ANGPT4: variants seen among roughly 807,000 people sequenced by gnomAD.
The protein encoded by ANGPT4 is angiopoietin-4.
Under a neutral mutation model 53.0 loss-of-function variants are expected in ANGPT4, and 50 were observed. The ratio of observed to expected loss-of-function variants is 0.94; its 90% CI spans 0.75 to 1.20. ANGPT4 has a LOEUF of 1.20. Ranked by LOEUF, ANGPT4 falls within the 50% of genes most tolerant of loss-of-function variation. The pLI, the probability that ANGPT4 is intolerant of heterozygous loss-of-function variation, is 0.00. For missense variants in ANGPT4, 648 were observed against 637.1 expected (o/e 1.02, Z -0.18); for synonymous variants, 251 against 259.7 (o/e 0.97, Z 0.32).
chr20:889,086 C>T (rs1037917622), intron 2 of ANGPT4, among the ~76,000 whole-genome samples: 2 of 152,206 alleles, frequency 1.3e-5, no homozygotes, highest in Admixed American at 1.3e-4. Flanking sequence ...CATCCCTTGT[C>T]TGGAGCACTC....
chr20:889,503 C>T (rs6140552), intron 2 of ANGPT4, among the ~76,000 whole-genome samples: 81,056 of 152,028 alleles, frequency 0.53, 23,865 homozygotes, highest in African/African-American at 0.79. Context: ...TATCTAAACA[C>T]AGAAAAGGTA....
chr20:888,228 C>CT, intron 3 of ANGPT4, 90 bp downstream of exon 3: 1 of 1,507,828 alleles, frequency 6.6e-7, no homozygotes, highest in Non-Finnish European at 8.9e-7. Flanking sequence ...CAGCCCCAGT[C>CT]CTAGCCCTGG....
intron 3 of ANGPT4, among the ~76,000 whole-genome samples, chr20:887,460 G>A (rs944723687): frequency 2.0e-5 from 3 of 152,112 alleles, no homozygotes; most frequent in South Asian, 2.1e-4. Context: ...ATCCTGAACC[G>A]GCATGTGAAC....
chr20:902,814 G>C (rs560400525), intron 1 of ANGPT4, among the ~76,000 whole-genome samples: 2 of 152,140 alleles, frequency 1.3e-5, no homozygotes, highest in Non-Finnish European at 2.9e-5. Context: ...TTCCTCACTG[G>C]TGTCCCCAGT....
rs1461624676 is a variant in ANGPT4, at chr20:870,574, T to G, written c.*2386A>C. 1 of 152,088 alleles carries G rather than the reference T, an allele frequency of 6.6e-6. No homozygotes were observed. Among genetic ancestry groups the G allele is most frequent in the Non-Finnish European group, 1.5e-5 (1 of 68,012 alleles). The allele number at this position is 152,088 out of a possible 1,614,324, so 9.4% of individuals were successfully genotyped here. A position where few individuals can be genotyped will look rare whatever the true frequency, so the allele number is the denominator to read the frequency against. ...TAAAGAACAGGTGTCTGAGGATAACTCAAATCAGCTTCCTGCCCCCTTATA... is the reference window on the plus strand; with the variant it reads ...TAAAGAACAGGTGTCTGAGGATAACGCAAATCAGCTTCCTGCCCCCTTATA... On this transcript the variant is annotated 3_prime_UTR_variant, in exon 9 of 9. Coordinates refer to ENST00000381922, the MANE Select transcript of ANGPT4 (RefSeq NM_015985.4).
Position 881,171 on chromosome 20 carries a change from C to G in ANGPT4, c.951G>C (p.Lys317Asn). 6.3e-7 allele frequency: 1 copy of G among 1,577,642 alleles called. No homozygotes were observed. Among genetic ancestry groups the G allele is most frequent in the Non-Finnish European group, 8.6e-7 (1 of 1,161,998 alleles). ...CACAGTTCCCAGGGAGCCCCCTAAC[C>G]TTCCTGGGCTTCGTTGCATTGGACA... ...IQVSNATKPR[K>N]VFCDLQSSGG... The change falls in exon 5 of 9, where the codon AAG (lysine) becomes AAC (asparagine). Residue 317 changes from lysine (K) to asparagine (N), a missense_variant and splice_region_variant. Lys to Asn is a moderately conservative substitution (Grantham distance 94). Transcript: ENST00000381922.
At chr20:903,874 C>CT (rs1281156522) in intron 1 of ANGPT4, among the ~76,000 whole-genome samples, 1 of 152,132 alleles carries the variant, frequency 6.6e-6, no homozygotes, top group East Asian at 1.9e-4. Flanking sequence ...GGAGCAAAGA[C>CT]TTAGTGAGGG....
At chr20:873,246 T>G in intron 8 of ANGPT4, 126 bp from the exon 9 acceptor site, 19 of 249,946 alleles carry the variant, frequency 7.6e-5, no homozygotes, top group South Asian at 1.6e-4. Flanking sequence ...GGAAGCCAGC[T>G]GGCTGGGGAT....
chr20:878,908 A>G (rs931202989), intron 6 of ANGPT4, among the ~76,000 whole-genome samples: 2 of 152,194 alleles, frequency 1.3e-5, no homozygotes, highest in African/African-American at 2.4e-5. Context: ...TCATGTCCCA[A>G]TGCCCTTGGA....
At chr20:880,926 T>G (rs1981379046) in intron 5 of ANGPT4, among the ~76,000 whole-genome samples, 1 of 152,236 alleles carries the variant, frequency 6.6e-6, no homozygotes, top group Non-Finnish European at 1.5e-5. Flanking sequence ...CACTGAACTA[T>G]TTTGTGCTGT....
rs368267857 is a variant in ANGPT4 at position 872,989 on chromosome 20, G to A, written c.1483C>T (p.Arg495Cys). ...ATGTCCAAAGGCCGTATCATCATGC[G>A]AGAGGCACGCAGTGAGTAGCTGGGG... ...KGPSYSLRAS[R>C]MMIRPLDI Residue 495 changes from arginine (R) to cysteine (C), a missense_variant, in exon 9 of 9, where the codon CGC (arginine) becomes TGC (cysteine). Transcript: ENST00000381922. The A allele has an allele frequency of 2.4e-5, 38 of 1,614,008 alleles. No individual in the cohort carries two copies. The highest frequency in any genetic ancestry group is 3.1e-5 in the Non-Finnish European group (37 of 1,180,028).
intron 1 of ANGPT4, among the ~76,000 whole-genome samples, chr20:900,184 C>T (rs537393935): frequency 6.6e-6 from 1 of 152,316 alleles, no homozygotes; most frequent in East Asian, 1.9e-4. Flanking sequence ...TGGCTACCTT[C>T]CCCTTGCTCT....
chr20:872,931 T>C lies in ANGPT4; in HGVS notation c.*29A>G, dbSNP rs1333603155. 1.2e-6 allele frequency: 2 copies of C among 1,612,734 alleles called. No individual in the cohort carries two copies. Among genetic ancestry groups the C allele is most frequent in the South Asian group, 2.2e-5 (2 of 91,034 alleles). Reference sequence around the variant, plus strand: ...GAGTGCCAAGTCCGAGCTTCTCCTGTGTGGTCCAGCCTCTGGCACAGCTGC... The same window carrying C: ...GAGTGCCAAGTCCGAGCTTCTCCTGCGTGGTCCAGCCTCTGGCACAGCTGC... On this transcript the variant is annotated 3_prime_UTR_variant, in exon 9 of 9. Transcript: ENST00000381922.
At chr20:895,508 T>A (rs1388272005) in intron 1 of ANGPT4, among the ~76,000 whole-genome samples, 1 of 151,894 alleles carries the variant, frequency 6.6e-6, no homozygotes, top group East Asian at 1.9e-4. Flanking sequence ...GGAGAGGGCA[T>A]TTGCAAAGGG....
chr20:890,565 C>G (rs558000741), intron 1 of ANGPT4, among the ~76,000 whole-genome samples, 197 bp from the exon 2 acceptor site: 1 of 152,256 alleles, frequency 6.6e-6, no homozygotes, highest in African/African-American at 2.4e-5. Flanking sequence ...ATTTATATGC[C>G]TGTTTTGTCT....
chr20:904,877 C>A (rs571454189), intron 1 of ANGPT4, among the ~76,000 whole-genome samples: 45 of 152,254 alleles, frequency 3.0e-4, no homozygotes, highest in African/African-American at 9.9e-4. Flanking sequence ...AGTGATCCTC[C>A]CACCTCACCT....
rs1600035984 is a variant in ANGPT4, at chr20:872,796, G to A, written c.*164C>T. 5 of 797,112 alleles carry A rather than the reference G, an allele frequency of 6.3e-6. No individual in the cohort carries two copies. The highest frequency in any genetic ancestry group is 3.5e-5 in the African/African-American group (2 of 57,812). The allele number at this position is 797,112 out of a possible 1,614,324, so 49.4% of individuals were successfully genotyped here. A position where few individuals can be genotyped will look rare whatever the true frequency, so the allele number is the denominator to read the frequency against. On this transcript the variant is annotated 3_prime_UTR_variant, in exon 9 of 9. Coordinates refer to ENST00000381922, the MANE Select transcript of ANGPT4 (RefSeq NM_015985.4). ...ATGTCACAGACGGAGGGGAGTTGGG[G>A]GGCAGATGACCCTTCTGGACTTCTG...
At position 911,615 on chromosome 20, in the gene ANGPT4, G is replaced by A. The variant is rs1057062009; in HGVS notation, c.309+4291C>T. Among the ~76,000 whole-genome samples, 1 of 152,118 alleles carries A rather than the reference G, an allele frequency of 6.6e-6. No individual in the cohort carries two copies. Among genetic ancestry groups the A allele is most frequent in the Non-Finnish European group, 1.5e-5 (1 of 68,010 alleles). On this transcript the variant is annotated intron_variant, in intron 1 of 8. Coordinates refer to ENST00000381922, the MANE Select transcript of ANGPT4 (RefSeq NM_015985.4). The surrounding 1 kb of genome is among the most constrained non-coding windows in gnomAD (Gnocchi z 4.9). ...TTAGCAACAGTGAGTCAGGGCCACC[G>A]CGAGAGCCCCAGGAGAGATCCACAG... is the stretch of plus-strand genomic sequence containing the variant.
chr20:871,099 G>A lies in ANGPT4; in HGVS notation c.*1861C>T, dbSNP rs1006240468. On this transcript the variant is annotated 3_prime_UTR_variant, in exon 9 of 9. Coordinates refer to ENST00000381922, the MANE Select transcript of ANGPT4 (RefSeq NM_015985.4). Reference sequence around the variant, plus strand: ...TGCACACAGTAGAGGCTAAATAAAGGTCTGCTGGGCAAATGCTGCTTAAGG... The same window carrying A: ...TGCACACAGTAGAGGCTAAATAAAGATCTGCTGGGCAAATGCTGCTTAAGG... 1.3e-5 allele frequency: 2 copies of A among 152,248 alleles called. No individual in the cohort carries two copies. The highest frequency in any genetic ancestry group is 2.4e-5 in the African/African-American group (1 of 41,454). 9.4% of individuals were successfully genotyped at this position (152,248 alleles called of 1,614,324 possible).
Sources: allele counts gnomAD v4.1 joint callset (sites outside exome capture counted in the v4.1 genomes callset), GRCh38; gene constraint gnomAD v4.1.1; non-coding constraint Gnocchi (gnomAD v3.1); transcripts MANE v1.5; gene names NCBI Gene and HGNC (gene_info 2026-07-23, HGNC 2026-07-21).